Variants in EPG5 observed in about 807,000 individuals in gnomAD.
EPG5 encodes ectopic P granules protein 5 homolog.
EPG5 carries 159 observed loss-of-function variants against 302.7 expected under a neutral mutation model. The ratio of observed to expected loss-of-function variants is 0.53; its 90% CI spans 0.46 to 0.60. EPG5 has a LOEUF of 0.60. Among genes scored for constraint, EPG5 ranks in the 20% least tolerant of loss-of-function variants. EPG5 has a pLI of 0.00. For synonymous variants in EPG5, 1,158 were observed against 1,136.8 expected, an observed-to-expected ratio of 1.02 and a Z score of -0.37; for missense variants, 2,896 against 3,092.4, an observed-to-expected ratio of 0.94 and a Z score of 1.51.
intron 12 of EPG5, 132 bp from the exon 13 acceptor site, chr18:45,929,141 A>G: frequency 1.0e-6 from 1 of 954,772 alleles, no homozygotes; most frequent in Non-Finnish European, 1.5e-6. Flanking sequence ...TGTTCCAAAA[A>G]ATGTTAAAAC....
In EPG5 at chr18:45,857,926, C is replaced by T. The variant is rs765465837; in HGVS notation, c.7369G>A (p.Val2457Met). 8 of 1,612,896 alleles carry T rather than the reference C, an allele frequency of 5.0e-6. No individual in the cohort carries two copies. The highest frequency in any genetic ancestry group is 2.2e-5 in the East Asian group (1 of 44,870). ...LLLVQSRQNL[V>M]AEERLSSGIL... ...CCAGAGCTGAGTCTCTCCTCAGCCA[C>T]GAGGTTCTGCCTGCTCTGAACCAAG... Residue 2457 changes from valine (V) to methionine (M), a missense_variant, in exon 42 of 44, where the codon GTG becomes ATG. Val to Met is a conservative substitution (Grantham distance 21). Coordinates refer to ENST00000282041, the MANE Select transcript of EPG5 (RefSeq NM_020964.3).
chr18:45,953,129 C>T (rs547283836), intron 2 of EPG5: 5 of 241,102 alleles, frequency 2.1e-5, no homozygotes, highest in Non-Finnish European at 2.7e-5. Flanking sequence ...GCCAAGATTA[C>T]GCCACTGCAC....
Position 45,882,478 on chromosome 18 carries a change from TAAGATCGAACTAAA to T in EPG5, c.5305-5_5313del, listed in dbSNP as rs1219934121. 6.2e-7 allele frequency: 1 copy of T among 1,607,640 alleles called. No homozygotes were observed. The stretch of plus-strand genomic sequence containing the variant: ...GGTTTAGTGGCGCTTAACCATTGTT[TAAGATCGAACTAAA>T]AAGAAAAAGAAACAAAAAGCCGTTT... On this transcript the variant is annotated splice_acceptor_variant and splice_polypyrimidine_tract_variant and coding_sequence_variant and intron_variant, in exon 31 of 44. Transcript: ENST00000282041. LOFTEE classifies it high-confidence loss of function.
At chr18:45,845,243 C>T (rs992286860), downstream of EPG5, among the ~76,000 whole-genome samples, 13 of 152,310 alleles carry the variant, frequency 8.5e-5, no homozygotes, top group African/African-American at 2.9e-4. Context: ...CTTCTTGGGA[C>T]TGGAAGAAGC....
At chr18:45,840,356 T>A in the EPG5 span, 2 of 1,217,330 alleles carry the variant, frequency 1.6e-6, no homozygotes, top group Admixed American at 4.6e-5. Flanking sequence ...GGGGTCCTAC[T>A]TTGACCAGGG....
chr18:45,830,148 C>T, the EPG5 span, among the ~76,000 whole-genome samples: 4 of 152,356 alleles, frequency 2.6e-5, no homozygotes, highest in Non-Finnish European at 5.9e-5. Context: ...CAGAGGTTCC[C>T]GTGCAAATTC....
At chr18:45,846,469 C>T (rs1042907396), downstream of EPG5, among the ~76,000 whole-genome samples, 11 of 142,926 alleles carry the variant, frequency 7.7e-5, no homozygotes, top group African/African-American at 2.7e-4. Flanking sequence ...TGCAGTGGGC[C>T]GAGATCGCGC....
chr18:45,807,589 C>T, the EPG5 span, among the ~76,000 whole-genome samples: 4 of 152,180 alleles, frequency 2.6e-5, no homozygotes, highest in Middle Eastern at 3.2e-3. Flanking sequence ...CAGACCAGAG[C>T]CTGGTAGACT....
chr18:45,877,380 C>T (rs913183385), intron 34 of EPG5, among the ~76,000 whole-genome samples: 1 of 152,172 alleles, frequency 6.6e-6, no homozygotes, highest in African/African-American at 2.4e-5. Flanking sequence ...GATCACGTCA[C>T]TGCACTCCAG....
chr18:45,951,164 T>C lies in EPG5; in HGVS notation c.1327A>G (p.Thr443Ala). 1 of 1,599,306 alleles carries C rather than the reference T, an allele frequency of 6.3e-7. No homozygotes were observed. The highest frequency in any genetic ancestry group is 8.5e-7 in the Non-Finnish European group (1 of 1,174,062). The change falls in exon 4 of 44, where the codon ACC becomes GCC. Residue 443 changes from threonine (T) to alanine (A), a missense_variant. By Grantham distance (58) the Thr-to-Ala change is moderately conservative. Transcript: ENST00000282041. ...KECISVLFMF[T>A]RRVNEDTQFH... The stretch of plus-strand genomic sequence containing the variant: ...TGAGTATCTTCATTAACTCTCCTGG[T>C]GAACATGAATAAGACACTAATGCAT...
chr18:45,813,666 C>T, the EPG5 span, among the ~76,000 whole-genome samples: 1 of 148,458 alleles, frequency 6.7e-6, no homozygotes, highest in African/African-American at 2.5e-5. Flanking sequence ...CTCACAAGGA[C>T]AAAAAACCAA....
At chr18:45,803,229 C>T in the EPG5 span, among the ~76,000 whole-genome samples, 2 of 152,180 alleles carry the variant, frequency 1.3e-5, no homozygotes, top group South Asian at 4.1e-4. Flanking sequence ...TACTATGTGA[C>T]AGTCAGTACA....
chr18:45,804,575 A>G, the EPG5 span, among the ~76,000 whole-genome samples: 1 of 152,222 alleles, frequency 6.6e-6, no homozygotes, highest in Non-Finnish European at 1.5e-5. Context: ...TTGATTTCTT[A>G]TATCAGAAGC....
chr18:45,906,918 A>C (rs927426734), intron 24 of EPG5, among the ~76,000 whole-genome samples: 3 of 152,254 alleles, frequency 2.0e-5, no homozygotes, highest in Admixed American at 2.0e-4. Context: ...GGCCTCCCAA[A>C]GTGTTGGGAT....
At chr18:45,898,286 C>T (rs1364175072) in intron 27 of EPG5, among the ~76,000 whole-genome samples, 1 of 152,208 alleles carries the variant, frequency 6.6e-6, no homozygotes, top group Non-Finnish European at 1.5e-5. Context: ...CGGGCTGTGG[C>T]ACTTCAGGTG....
At chr18:45,936,241 G>A (rs1487989260) in intron 10 of EPG5, among the ~76,000 whole-genome samples, 1 of 152,182 alleles carries the variant, frequency 6.6e-6, no homozygotes, top group Non-Finnish European at 1.5e-5. Flanking sequence ...TTTGAGAGCA[G>A]AAACCATGTC....
At position 45,908,011 on chromosome 18, in the gene EPG5, G is replaced by A. The variant is rs369111537; in HGVS notation, c.4276C>T (p.Leu1426=). ...FQKGDTYIPS[L]PKHYDIHRLA... ...CTGTGAATATCATAATGCTTTGGTA[G>A]AGAAGGGATATAGGTATCTCCTTTT... Residue 1426 remains leucine (L), a synonymous_variant, in exon 24 of 44, where the codon CTA becomes TTA. Coordinates refer to ENST00000282041, the MANE Select transcript of EPG5 (RefSeq NM_020964.3). 1.2e-6 allele frequency: 2 copies of A among 1,600,926 alleles called. No individual in the cohort carries two copies. The highest frequency in any genetic ancestry group is 1.4e-5 in the African/African-American group (1 of 73,744).
At chr18:45,864,655 G>A (rs2048708128) in intron 39 of EPG5, among the ~76,000 whole-genome samples, 1 of 152,114 alleles carries the variant, frequency 6.6e-6, no homozygotes, top group Non-Finnish European at 1.5e-5. Flanking sequence ...TTAAAGATGC[G>A]TTTCTCCAAA....
At chr18:45,946,839 C>T (rs982926955) in intron 6 of EPG5, 71 bp from the exon 7 acceptor site, 1 of 1,211,072 alleles carries the variant, frequency 8.3e-7, no homozygotes, top group Admixed American at 1.7e-5. Context: ...ATTCTCTACT[C>T]ACCCTGAAGA....
Sources: allele counts gnomAD v4.1 joint callset (sites outside exome capture counted in the v4.1 genomes callset), GRCh38; gene constraint gnomAD v4.1.1; transcripts MANE v1.5; gene names NCBI Gene and HGNC (gene_info 2026-07-23, HGNC 2026-07-21).